Variants in B3GALNT2 observed in about 807,000 individuals in gnomAD.
B3GALNT2 encodes the protein UDP-GalNAc:beta-1,3-N-acetylgalactosaminyltransferase 2.
Under a neutral mutation model 61.1 loss-of-function variants are expected in B3GALNT2, and 53 were observed. The ratio of observed to expected loss-of-function variants is 0.87; its 90% confidence interval spans 0.70 to 1.09. B3GALNT2 has a LOEUF of 1.09. B3GALNT2 is among the 50% of genes least tolerant of loss of function. The pLI is 0.00. For synonymous variants in B3GALNT2, 223 were observed against 237.4 expected, an observed-to-expected ratio of 0.94 and a Z score of 0.56; for missense variants, 544 against 623.0, an observed-to-expected ratio of 0.87 and a Z score of 1.35.
rs1398451579 is a variant in B3GALNT2 at position 235,447,977 on chromosome 1, A to G, written c.*2229T>C. Among the ~76,000 whole-genome samples, 2 of 152,008 alleles carry G rather than the reference A, an allele frequency of 1.3e-5. No individual in the cohort carries two copies. The highest frequency in any genetic ancestry group is 2.9e-5 in the Non-Finnish European group (2 of 67,992). On this transcript the variant is annotated 3_prime_UTR_variant, in exon 12 of 12. Coordinates refer to ENST00000366600, the MANE Select transcript of B3GALNT2 (RefSeq NM_152490.5). Reference sequence around the variant, plus strand: ...TGTAATCCCAGCACTTTGGGGGGCCAGGGCGGGCGGATCACGAGGTCAGGA... The same window carrying G: ...TGTAATCCCAGCACTTTGGGGGGCCGGGGCGGGCGGATCACGAGGTCAGGA...
chr1:235,503,655 A>G (rs1234537098), intron 1 of B3GALNT2, among the ~76,000 whole-genome samples: 1 of 152,212 alleles, frequency 6.6e-6, no homozygotes, highest in Non-Finnish European at 1.5e-5. Flanking sequence ...TATTCCTTAA[A>G]AGCAAAACCG....
At chr1:235,498,179 A>C (rs1233064894) in intron 1 of B3GALNT2, among the ~76,000 whole-genome samples, 11 of 152,212 alleles carry the variant, frequency 7.2e-5, no homozygotes. Flanking sequence ...GCAGATGCAT[A>C]ATAAAATACC....
intron 4 of B3GALNT2, 69 bp from the exon 5 acceptor site, chr1:235,480,218 A>G: frequency 1.9e-6 from 3 of 1,574,768 alleles, no homozygotes; most frequent in Non-Finnish European, 1.7e-6. Context: ...AAAAGTTTTC[A>G]AACACCTTAC....
At position 235,450,070 on chromosome 1, in the gene B3GALNT2, T is replaced by C. The variant is rs1682797201; in HGVS notation, c.*136A>G. 9.4e-7 allele frequency: 1 copy of C among 1,063,728 alleles called. No homozygotes were observed. The highest frequency in any genetic ancestry group is 1.6e-5 in the African/African-American group (1 of 63,540). 65.9% of individuals were successfully genotyped at this position (1,063,728 alleles called of 1,614,324 possible). On this transcript the variant is annotated 3_prime_UTR_variant, in exon 12 of 12. Transcript: ENST00000366600. The stretch of plus-strand genomic sequence containing the variant: ...CAAACATTAAGAAACACCGCATTGG[T>C]TCTGGGTGAAAGTGCCAGTCTGGAA...
intron 4 of B3GALNT2, among the ~76,000 whole-genome samples, chr1:235,483,821 CTG>C (rs1399656820): frequency 6.6e-6 from 1 of 152,210 alleles, no homozygotes; most frequent in Non-Finnish European, 1.5e-5. Context: ...CACATGCACT[CTG>C]TGAACAAATC....
the B3GALNT2 span, among the ~76,000 whole-genome samples, chr1:235,440,145 T>C: frequency 6.6e-6 from 1 of 152,118 alleles, no homozygotes; most frequent in Non-Finnish European, 1.5e-5. Context: ...TAATTTTTTG[T>C]ATTTTTAGTA....
intron 6 of B3GALNT2, among the ~76,000 whole-genome samples, chr1:235,466,204 AAAT>A (rs1247022651): frequency 2.0e-5 from 3 of 150,570 alleles, no homozygotes; most frequent in Non-Finnish European, 2.9e-5. Context: ...GATTAAAAAA[AAAT>A]TTTTTTTTAA....
Position 235,448,576 on chromosome 1 carries a change from A to T in B3GALNT2, c.*1630T>A. ...GTTTGTTTGATTTTAAGGGTAAGCTACTGCCTGGGGACGGGGTGGGGGAAG... is the reference window on the plus strand; with the variant it reads ...GTTTGTTTGATTTTAAGGGTAAGCTTCTGCCTGGGGACGGGGTGGGGGAAG... On this transcript the variant is annotated 3_prime_UTR_variant, in exon 12 of 12. Coordinates refer to ENST00000366600, the MANE Select transcript of B3GALNT2 (RefSeq NM_152490.5). 1 of 1,375,008 alleles carries T rather than the reference A, an allele frequency of 7.3e-7. No homozygotes were observed. The highest frequency in any genetic ancestry group is 1.0e-6 in the Non-Finnish European group (1 of 962,664). 85.2% of individuals were successfully genotyped at this position (1,375,008 alleles called of 1,614,324 possible).
At chr1:235,484,191 G>C in intron 4 of B3GALNT2, 131 bp downstream of exon 4, 1 of 1,350,848 alleles carries the variant, frequency 7.4e-7, no homozygotes, top group Non-Finnish European at 9.6e-7. Context: ...GTCAATAGGG[G>C]AAGAAAGGTG....
In B3GALNT2 at chr1:235,474,976, TATATATATA is replaced by T. The variant is rs1283792134; in HGVS notation, c.652-4025_652-4017del. Among the ~76,000 whole-genome samples, 121 of 32,276 alleles carry T rather than the reference TATATATATA, an allele frequency of 3.7e-3. 2 individuals are homozygous for T. Among genetic ancestry groups the T allele is most frequent in the African/African-American group, 0.014 (84 of 6,058 alleles). The allele number at this position is 32,276 out of a possible 152,430, so 21.2% of individuals were successfully genotyped here. On this transcript the variant is annotated intron_variant, in intron 5 of 11. Transcript: ENST00000366600. The stretch of plus-strand genomic sequence containing the variant: ...ATATATATATATATATATATATATA[TATATATATA>T]TATTTTTTTTTTTTTTTTTTTTTTT...
rs1682802330 is a variant in B3GALNT2 at position 235,450,132 on chromosome 1, T to C, written c.*74A>G. 7 of 1,560,812 alleles carry C rather than the reference T, an allele frequency of 4.5e-6. No individual in the cohort carries two copies. Among genetic ancestry groups the C allele is most frequent in the Middle Eastern group, 1.8e-4 (1 of 5,466 alleles). On this transcript the variant is annotated 3_prime_UTR_variant, in exon 12 of 12. Transcript: ENST00000366600. ...GACCATACAGTCTACTGCTAAACCC[T>C]GGGACTCCTCAGACTTGCACTCAGA...
intron 1 of B3GALNT2, among the ~76,000 whole-genome samples, chr1:235,502,073 C>T (rs545415048): frequency 1.7e-4 from 26 of 152,270 alleles, no homozygotes; most frequent in Middle Eastern, 3.4e-3. Context: ...AGTGCAGTGG[C>T]GCAATCTCGT....
downstream of B3GALNT2, among the ~76,000 whole-genome samples, chr1:235,445,128 A>G (rs568479600): frequency 6.6e-4 from 100 of 152,364 alleles, 1 homozygote; most frequent in African/African-American, 2.4e-3. Flanking sequence ...TTACTACTTT[A>G]AACTATTCAG....
At chr1:235,466,701 T>C (rs1486625840) in intron 6 of B3GALNT2, among the ~76,000 whole-genome samples, 1 of 152,202 alleles carries the variant, frequency 6.6e-6, no homozygotes, top group Non-Finnish European at 1.5e-5. Flanking sequence ...CAGCAGCCAA[T>C]GACAGTCCTT....
chr1:235,455,488 ATATTT>A (rs1683121255), intron 9 of B3GALNT2, 66 bp downstream of exon 9: 1 of 1,482,580 alleles, frequency 6.7e-7, no homozygotes, highest in Non-Finnish European at 9.3e-7. Flanking sequence ...AAAAAAAAAG[ATATTT>A]TATGCTTTAT....
chr1:235,497,381 CTTAA>C (rs962349061), intron 1 of B3GALNT2, among the ~76,000 whole-genome samples: 10 of 152,184 alleles, frequency 6.6e-5, no homozygotes, highest in Non-Finnish European at 8.8e-5. Context: ...GCTTCAACTT[CTTAA>C]TTAGAGAAAA....
At chr1:235,475,692 A>C (rs1383666015) in intron 5 of B3GALNT2, among the ~76,000 whole-genome samples, 1 of 152,202 alleles carries the variant, frequency 6.6e-6, no homozygotes, top group Admixed American at 6.5e-5. Context: ...AATTGCTAAA[A>C]GTTTATTTTT....
intron 5 of B3GALNT2, chr1:235,479,211 T>A (rs996936393): frequency 2.0e-5 from 3 of 152,208 alleles, no homozygotes; most frequent in African/African-American, 7.2e-5. Context: ...GGAAAAAGTT[T>A]CTTGGTTAGT....
At chr1:235,472,470 T>G (rs1044135707) in intron 5 of B3GALNT2, among the ~76,000 whole-genome samples, 41 of 152,252 alleles carry the variant, frequency 2.7e-4, no homozygotes, top group African/African-American at 9.4e-4. Context: ...ACTCCCAACT[T>G]CTATCACATC....
Sources: gnomAD v4.1 joint callset for allele counts (sites outside exome capture counted in the v4.1 genomes callset) on GRCh38, gnomAD v4.1.1 for gene constraint, MANE v1.5 for transcripts, NCBI Gene and HGNC (gene_info 2026-07-23, HGNC 2026-07-21) for gene names.